The following PDE4D variants were observed in gnomAD, a reference collection of about 807,000 sequenced individuals.
The protein encoded by PDE4D is phosphodiesterase 4D.
In PDE4D, 24 loss-of-function variants were observed where a neutral mutation model predicts 87.4. That is an observed-to-expected ratio of 0.27 (90% CI 0.20 to 0.39). The LOEUF (loss-of-function observed/expected upper bound fraction) is 0.39. Among genes scored for constraint, PDE4D ranks in the 10% least tolerant of loss-of-function variants. PDE4D has a pLI of 1.00. For missense variants in PDE4D, 714 were observed against 1,041.0 expected, an observed-to-expected ratio of 0.69 and a Z score of 4.32; for synonymous variants, 384 against 383.2, an observed-to-expected ratio of 1.00 and a Z score of -0.02.
At chr5:59,807,505 C>T (rs1767872926) in intron 1 of PDE4D, among the ~76,000 whole-genome samples, 1 of 152,074 alleles carries the variant, frequency 6.6e-6, no homozygotes, top group Non-Finnish European at 1.5e-5. Context: ...CTTGTCCCCA[C>T]ACACACACAG....
At chr5:59,514,787 G>A (rs1158670418) in intron 1 of PDE4D, among the ~76,000 whole-genome samples, 1 of 152,104 alleles carries the variant, frequency 6.6e-6, no homozygotes, top group South Asian at 2.1e-4. Context: ...ATAACAGAGT[G>A]TGTCTCAAAA....
chr5:60,063,789 A>G (rs1024826045), intron 2 of PDE4D, among the ~76,000 whole-genome samples: 17 of 152,242 alleles, frequency 1.1e-4, no homozygotes, highest in African/African-American at 4.1e-4. Context: ...GATGGCTGGC[A>G]TAATTTGGAA....
At chr5:59,880,216 C>T (rs115691439) in intron 1 of PDE4D, among the ~76,000 whole-genome samples, 3,454 of 152,198 alleles carry the variant, frequency 0.023, 66 homozygotes, top group Non-Finnish European at 0.035. Flanking sequence ...AGCGATCCTC[C>T]TACCCCAGCC....
At chr5:58,987,843 A>G (rs909116264) in intron 11 of PDE4D, among the ~76,000 whole-genome samples, 1 of 152,174 alleles carries the variant, frequency 6.6e-6, no homozygotes, top group Non-Finnish European at 1.5e-5. Context: ...AAATCTCTTT[A>G]CCAAGGGATA....
chr5:59,171,956 T>C (rs1259915937), intron 5 of PDE4D, among the ~76,000 whole-genome samples: 2 of 109,890 alleles, frequency 1.8e-5, no homozygotes, highest in Non-Finnish European at 3.4e-5. Context: ...ATGAGAATTA[T>C]ATTTATATAT....
chr5:59,030,960 C>T (rs1183795296), intron 6 of PDE4D, among the ~76,000 whole-genome samples: 1 of 152,078 alleles, frequency 6.6e-6, no homozygotes, highest in East Asian at 1.9e-4. Context: ...GCACTAAGCC[C>T]AGCATCCACT....
chr5:59,482,411 T>C lies in PDE4D; in HGVS notation c.456-266443A>G, dbSNP rs540886049. ...GCATTGTTCTTTTAAATACTGCCTTTAAAATGACCTTCTTTTACAGTTGTA... is the reference window on the plus strand; with the variant it reads ...GCATTGTTCTTTTAAATACTGCCTTCAAAATGACCTTCTTTTACAGTTGTA... On this transcript the variant is annotated intron_variant, in intron 1 of 14. Transcript: ENST00000340635. Among the ~76,000 whole-genome samples, 6 of 152,306 alleles carry C rather than the reference T, an allele frequency of 3.9e-5. No individual in the cohort carries two copies. In the East Asian group the frequency reaches 9.6e-4, roughly 24 times the overall value.
At chr5:60,028,574 G>A (rs529766661) in intron 2 of PDE4D, among the ~76,000 whole-genome samples, 3 of 152,022 alleles carry the variant, frequency 2.0e-5, no homozygotes, top group Non-Finnish European at 2.9e-5. Flanking sequence ...CATGGTTGCC[G>A]CTGACTGAAG....
intron 1 of PDE4D, among the ~76,000 whole-genome samples, chr5:60,453,251 A>C (rs998860618): frequency 1.3e-5 from 2 of 152,140 alleles, no homozygotes; most frequent in Non-Finnish European, 2.9e-5. Flanking sequence ...TTGCTTGTGC[A>C]TATCAGATTG....
chr5:59,063,937 C>T (rs1763508027), intron 5 of PDE4D, among the ~76,000 whole-genome samples: 1 of 151,908 alleles, frequency 6.6e-6, no homozygotes, highest in Non-Finnish European at 1.5e-5. Context: ...CAGAAATATA[C>T]AGAGAGCAGT....
chr5:59,481,071 T>A (rs1157109751), intron 1 of PDE4D, among the ~76,000 whole-genome samples: 1 of 152,082 alleles, frequency 6.6e-6, no homozygotes, highest in Non-Finnish European at 1.5e-5. Context: ...AAACAATAGA[T>A]GGCAAATATT....
intron 1 of PDE4D, among the ~76,000 whole-genome samples, chr5:59,534,598 A>G (rs1490176354): frequency 2.0e-5 from 3 of 152,202 alleles, no homozygotes; most frequent in Admixed American, 6.5e-5. Flanking sequence ...TATGCACATG[A>G]AAGTACCCCA....
intron 1 of PDE4D, among the ~76,000 whole-genome samples, chr5:59,873,203 T>G (rs1471437206): frequency 6.6e-6 from 1 of 152,184 alleles, no homozygotes; most frequent in East Asian, 1.9e-4. Context: ...ATTCTGAAAA[T>G]TTAAGCAGAG....
At chr5:59,308,799 T>C (rs1276340188) in intron 1 of PDE4D, among the ~76,000 whole-genome samples, 2 of 151,916 alleles carry the variant, frequency 1.3e-5, no homozygotes, top group Non-Finnish European at 2.9e-5. Context: ...GGAGGAACCC[T>C]AGAACTCCCA....
At chr5:59,422,333 C>G (rs1201366753) in intron 1 of PDE4D, among the ~76,000 whole-genome samples, 1 of 152,118 alleles carries the variant, frequency 6.6e-6, no homozygotes, top group Non-Finnish European at 1.5e-5. Flanking sequence ...TATTTTCCTT[C>G]CTAGAGCAAC....
chr5:59,795,390 C>A (rs1424219277), intron 1 of PDE4D, among the ~76,000 whole-genome samples: 2 of 152,042 alleles, frequency 1.3e-5, no homozygotes, highest in Non-Finnish European at 2.9e-5. Context: ...CTGTGGGTTC[C>A]CCGGTGGATC....
intron 1 of PDE4D, among the ~76,000 whole-genome samples, chr5:59,522,451 A>G (rs1003969209): frequency 1.6e-4 from 24 of 152,218 alleles, no homozygotes; most frequent in Non-Finnish European, 7.3e-5. Flanking sequence ...GCAATTGAGT[A>G]GCAAGGGAAG....
chr5:60,065,759 T>C (rs1390959665), intron 2 of PDE4D, among the ~76,000 whole-genome samples: 3 of 152,196 alleles, frequency 2.0e-5, no homozygotes, highest in African/African-American at 4.8e-5. Flanking sequence ...ACAAAGGACA[T>C]GAACTCATCA....
chr5:59,896,073 G>C (rs1292393548), upstream of PDE4D, among the ~76,000 whole-genome samples: 1 of 152,100 alleles, frequency 6.6e-6, no homozygotes, highest in Non-Finnish European at 1.5e-5. Context: ...TTTCTTGTGT[G>C]ATCTTTGAGG....
Sources: gnomAD v4.1 joint callset for allele counts (sites outside exome capture counted in the v4.1 genomes callset) on GRCh38, gnomAD v4.1.1 for gene constraint, MANE v1.5 for transcripts, NCBI Gene and HGNC (gene_info 2026-07-23, HGNC 2026-07-21) for gene names.